TOMM40L: variants seen among roughly 807,000 people sequenced by gnomAD.
TOMM40L encodes the protein translocase of outer mitochondrial membrane 40 like.
In TOMM40L, 17 loss-of-function variants were observed where a neutral mutation model predicts 38.3. That is an observed-to-expected ratio of 0.44 (90% CI 0.30 to 0.67). The LOEUF (loss-of-function observed/expected upper bound fraction) is 0.67, where lower values mean the gene tolerates loss of function less well. Among genes scored for constraint, TOMM40L ranks in the 30% least tolerant of loss-of-function variants. TOMM40L has a pLI of 0.08. For synonymous variants in TOMM40L, 151 were observed against 150.2 expected, an observed-to-expected ratio of 1.01 and a Z score of -0.04; for missense variants, 294 against 390.0, an observed-to-expected ratio of 0.75 and a Z score of 2.07.
chr1:161,229,846 A>T lies in TOMM40L; in HGVS notation c.*751A>T. On this transcript the variant is annotated 3_prime_UTR_variant, in exon 10 of 10. Coordinates refer to ENST00000367988, the MANE Select transcript of TOMM40L (RefSeq NM_032174.6). The stretch of plus-strand genomic sequence containing the variant: ...CGGCATCATGGCAGACAGGCCCTGG[A>T]TGTGCTGGATTTGGTACCCGTAGGC... 1 of 1,614,150 alleles carries T rather than the reference A, an allele frequency of 6.2e-7. No homozygotes were observed. The highest frequency in any genetic ancestry group is 8.5e-7 in the Non-Finnish European group (1 of 1,180,034).
At chr1:161,227,398 AC>A (rs778040941) in intron 4 of TOMM40L, 48 bp downstream of exon 4, 29 of 1,566,990 alleles carry the variant, frequency 1.9e-5, no homozygotes, top group Non-Finnish European at 2.4e-5. Context: ...CCAATCTGGG[AC>A]CCAGGTCTGG....
In TOMM40L at chr1:161,227,987, C is replaced by T. The variant is rs755447268; in HGVS notation, c.482C>T (p.Ser161Leu). 1.1e-5 allele frequency: 17 copies of T among 1,613,778 alleles called. No homozygotes were observed. The highest frequency in any genetic ancestry group is 1.6e-4 in the Middle Eastern group (1 of 6,084). ...GGAAATCCTGACCTGATTGGGGAGT[C>T]GGGTGAGGAACTGGGACAGGGTTCT... is the stretch of plus-strand genomic sequence containing the variant. Reference protein sequence around the residue: ...TLGNPDLIGESVIMVAHFLQS... With the variant: ...TLGNPDLIGELVIMVAHFLQS... The change falls in exon 6 of 10, where the codon TCG becomes TTG. Residue 161 changes from serine (S) to leucine (L), a missense_variant and splice_region_variant. Transcript: ENST00000367988.
At chr1:161,227,024 C>T (rs1666389676) in intron 3 of TOMM40L, 69 bp downstream of exon 3, 1 of 1,580,104 alleles carries the variant, frequency 6.3e-7, no homozygotes, top group South Asian at 1.1e-5. Flanking sequence ...TTCTCCTTTC[C>T]TTTGTACTCC....
intron 3 of TOMM40L, 78 bp from the exon 4 acceptor site, chr1:161,227,180 G>A (rs1166063748): frequency 2.1e-6 from 3 of 1,435,088 alleles, no homozygotes; most frequent in African/African-American, 1.4e-5. Flanking sequence ...CTCTGGATGG[G>A]GAAAAGACTA....
intron 5 of TOMM40L, 51 bp from the exon 6 acceptor site, chr1:161,227,833 T>C (rs762778682): frequency 5.6e-6 from 9 of 1,607,112 alleles, no homozygotes; most frequent in East Asian, 2.2e-5. Flanking sequence ...GCAGAGTCTA[T>C]AATGATCATA....
Position 161,229,561 on chromosome 1 carries a change from A to T in TOMM40L, c.*466A>T. The stretch of plus-strand genomic sequence containing the variant: ...ACCCATTCCCAGAAGGAGCTTCTTT[A>T]CCTCTTAGCCCTGAGGTTTCCTCCT... On this transcript the variant is annotated 3_prime_UTR_variant, in exon 10 of 10. Coordinates refer to ENST00000367988, the MANE Select transcript of TOMM40L (RefSeq NM_032174.6). The T allele has an allele frequency of 1.4e-6, 2 of 1,396,228 alleles. No homozygotes were observed. The highest frequency in any genetic ancestry group is 2.0e-6 in the Non-Finnish European group (2 of 1,021,538). The allele number at this position is 1,396,228 out of a possible 1,614,324, so 86.5% of individuals were successfully genotyped here.
In TOMM40L at chr1:161,226,340, C is replaced by G; in HGVS notation, c.-135-15C>G. The G allele has an allele frequency of 1.5e-6, 1 of 660,750 alleles. No individual in the cohort carries two copies. Among genetic ancestry groups the G allele is most frequent in the Admixed American group, 2.8e-5 (1 of 35,176 alleles). The allele number at this position is 660,750 out of a possible 1,614,324, so 40.9% of individuals were successfully genotyped here. ...TCTCCATGAGTGCTCTCCTTCCCTA[C>G]TCTTCCTGTTCCAGGTGTAGCGTCG... On this transcript the variant is annotated splice_polypyrimidine_tract_variant and intron_variant, in intron 1 of 9. Coordinates refer to ENST00000367988, the MANE Select transcript of TOMM40L (RefSeq NM_032174.6).
chr1:161,230,172 G>T lies in TOMM40L; in HGVS notation c.*1077G>T. On this transcript the variant is annotated 3_prime_UTR_variant, in exon 10 of 10. Transcript: ENST00000367988. Reference sequence around the variant, plus strand: ...GAACCCAGAGCTCTGAGAGCCGAGTGTGAAGAAAGCTCCAGACTTGGCCAG... The same window carrying T: ...GAACCCAGAGCTCTGAGAGCCGAGTTTGAAGAAAGCTCCAGACTTGGCCAG... 1 of 494,582 alleles carries T rather than the reference G, an allele frequency of 2.0e-6. No homozygotes were observed. The allele number at this position is 494,582 out of a possible 1,614,324, so 30.6% of individuals were successfully genotyped here. A position where few individuals can be genotyped will look rare whatever the true frequency, so the allele number is the denominator to read the frequency against.
In TOMM40L at chr1:161,229,113, C is replaced by T; in HGVS notation, c.*18C>T. ...TGGGCTGAGGTTGTCCAGAGCCAGC[C>T]CCCACAGCAGCTGGAACCTCTGAGT... On this transcript the variant is annotated 3_prime_UTR_variant, in exon 10 of 10. Transcript: ENST00000367988. 1 of 1,614,160 alleles carries T rather than the reference C, an allele frequency of 6.2e-7. No homozygotes were observed.
intron 1 of TOMM40L, 73 bp downstream of exon 1, chr1:161,226,209 G>C: frequency 5.1e-6 from 2 of 390,312 alleles, no homozygotes. Context: ...TAGGGAGCTA[G>C]GTGAAGTCTG....
chr1:161,230,126 T>C lies in TOMM40L; in HGVS notation c.*1031T>C, dbSNP rs1666808392. ...GGCCTCGGTCTGACACTGTCTTCTC[T>C]CACCATGCTCAGTTTTTTCTGAACC... On this transcript the variant is annotated 3_prime_UTR_variant, in exon 10 of 10. Coordinates refer to ENST00000367988, the MANE Select transcript of TOMM40L (RefSeq NM_032174.6). 1 of 589,386 alleles carries C rather than the reference T, an allele frequency of 1.7e-6. No individual in the cohort carries two copies. The highest frequency in any genetic ancestry group is 1.9e-5 in the African/African-American group (1 of 53,458). 36.5% of individuals were successfully genotyped at this position (589,386 alleles called of 1,614,324 possible).
chr1:161,228,223 T>A lies in TOMM40L; in HGVS notation c.522T>A (p.His174Gln), dbSNP rs1211540363. Residue 174 changes from histidine (H) to glutamine (Q), a missense_variant, in exon 7 of 10, where the codon CAT (histidine) becomes CAA (glutamine). Transcript: ENST00000367988. ...MVAHFLQSLT[H>Q]RLVLGGELVY... ...CTCACTTCCTGCAGAGCCTCACTCA[T>A]CGGCTGGTGCTGGGAGGAGAGCTAG... 6.2e-7 allele frequency: 1 copy of A among 1,605,432 alleles called. No individual in the cohort carries two copies. Among genetic ancestry groups the A allele is most frequent in the African/African-American group, 1.3e-5 (1 of 74,750 alleles).
chr1:161,227,764 C>G lies in TOMM40L; in HGVS notation c.378+27C>G, dbSNP rs370055312. The G allele has an allele frequency of 8.7e-4, 1,393 of 1,600,936 alleles. 17 individuals carry two copies. Among genetic ancestry groups the G allele is most frequent in the South Asian group, 6.3e-3 (573 of 90,782 alleles). On this transcript the variant is annotated intron_variant, in intron 5 of 9. Coordinates refer to ENST00000367988, the MANE Select transcript of TOMM40L (RefSeq NM_032174.6). ...TGACCACAGTTCCTGCCTCCATCCC[C>G]TGAGGCACTTCCTCTTTCTCCTCCA... is the stretch of plus-strand genomic sequence containing the variant.
At position 161,229,988 on chromosome 1, in the gene TOMM40L, T is replaced by C; in HGVS notation, c.*893T>C. ...AGGGAAATAAGGCAGTTGGGAGTCTTGTCTCTAGGCCCTGATCCCCTGAAC... is the reference window on the plus strand; with the variant it reads ...AGGGAAATAAGGCAGTTGGGAGTCTCGTCTCTAGGCCCTGATCCCCTGAAC... On this transcript the variant is annotated 3_prime_UTR_variant, in exon 10 of 10. Coordinates refer to ENST00000367988, the MANE Select transcript of TOMM40L (RefSeq NM_032174.6). 1 of 1,592,544 alleles carries C rather than the reference T, an allele frequency of 6.3e-7. No individual in the cohort carries two copies. The highest frequency in any genetic ancestry group is 8.6e-7 in the Non-Finnish European group (1 of 1,164,060).
rs1343573652 is a variant in TOMM40L at position 161,227,243 on chromosome 1, T to C, written c.184-15T>C. 6 of 1,613,236 alleles carry C rather than the reference T, an allele frequency of 3.7e-6. No individual in the cohort carries two copies. The highest frequency in any genetic ancestry group is 1.7e-5 in the Admixed American group (1 of 59,992). ...CAGGAATGCGCTTTTCTCCACTGAA[T>C]CCTCTTTTCCTCAGGTGGCGCACAC... On this transcript the variant is annotated splice_polypyrimidine_tract_variant and intron_variant, in intron 3 of 9. Transcript: ENST00000367988.
chr1:161,226,770 A>G (rs1422205698), intron 2 of TOMM40L, 118 bp from the exon 3 acceptor site: 2 of 1,311,758 alleles, frequency 1.5e-6, no homozygotes, highest in Non-Finnish European at 2.1e-6. Flanking sequence ...TCATTGCAGG[A>G]CTTGAAAGGA....
chr1:161,226,481 T>A lies in TOMM40L; in HGVS notation c.-9T>A. ...CTAACCTCGGCTCTTCCCAGTCCTC[T>A]GGACTAAAATGGGGAACACATTGGG... On this transcript the variant is annotated 5_prime_UTR_variant, in exon 2 of 10. Transcript: ENST00000367988. 6.2e-7 allele frequency: 1 copy of A among 1,612,316 alleles called. No individual in the cohort carries two copies. The highest frequency in any genetic ancestry group is 8.5e-7 in the Non-Finnish European group (1 of 1,178,902).
In TOMM40L at chr1:161,226,559, C is replaced by A; in HGVS notation, c.70C>A (p.Leu24Met). 6.2e-7 allele frequency: 1 copy of A among 1,614,170 alleles called. No homozygotes were observed. Among genetic ancestry groups the A allele is most frequent in the Non-Finnish European group, 8.5e-7 (1 of 1,180,018 alleles). The change falls in exon 2 of 10, where the codon CTG (leucine) becomes ATG (methionine). Residue 24 changes from leucine (L) to methionine (M), a missense_variant. Physicochemically the swap from Leu to Met is conservative, Grantham distance 15. Coordinates refer to ENST00000367988, the MANE Select transcript of TOMM40L (RefSeq NM_032174.6). ...CCGGAGCCCCCGCCGAGAGGAACCC[C>A]TGCCCAACCCTGGGAGCTTCGATGA... ...PRRSPRREEPLPNPGSFDELH... is the reference protein window; with the variant it reads ...PRRSPRREEPMPNPGSFDELH...
Position 161,229,030 on chromosome 1 carries a change from C to T in TOMM40L, c.862C>T (p.Leu288Phe). The T allele has an allele frequency of 6.2e-7, 1 of 1,614,120 alleles. No homozygotes were observed. Residue 288 changes from leucine (L) to phenylalanine (F), a missense_variant, in exon 10 of 10, where the codon CTT becomes TTT. Physicochemically the swap from Leu to Phe is conservative, Grantham distance 22 (BLOSUM62 0). Transcript: ENST00000367988. ...GCCCCCTCTGCCTGTCACCCTAGCC[C>T]TTGGAGCCTTCCTCAATCACTGGCG... ...KMPPLPVTLALGAFLNHWRNR... is the reference protein window; with the variant it reads ...KMPPLPVTLAFGAFLNHWRNR...
Sources: gnomAD v4.1 joint callset for allele counts on GRCh38, gnomAD v4.1.1 for gene constraint, MANE v1.5 for transcripts, NCBI Gene and HGNC (gene_info 2026-07-23, HGNC 2026-07-21) for gene names.